Variants in ADA observed in about 807,000 individuals in gnomAD.
ADA encodes the protein adenosine aminohydrolase.
A neutral mutation model predicts 49.0 loss-of-function variants in ADA; 45 were observed. That is an observed-to-expected ratio of 0.92 (90% CI 0.72 to 1.18). The LOEUF (loss-of-function observed/expected upper bound fraction) is 1.18. Among genes scored for constraint, ADA ranks in the 50% most tolerant of loss-of-function variants. The pLI is 0.00. For missense variants in ADA, 445 were observed against 472.5 expected, an observed-to-expected ratio of 0.94 and a Z score of 0.54; for synonymous variants, 173 against 184.2, an observed-to-expected ratio of 0.94 and a Z score of 0.49.
In ADA at chr20:44,626,456, T is replaced by C. The variant is rs748035221; in HGVS notation, c.362A>G (p.Glu121Gly). Residue 121 changes from glutamate (E) to glycine (G), a missense_variant and splice_region_variant, in exon 4 of 12, where the codon GAA becomes GGA. Coordinates refer to ENST00000372874, the MANE Select transcript of ADA (RefSeq NM_000022.4). Reference protein sequence around the residue: ...KVEPIPWNQAEGDLTPDEVVA... With the variant: ...KVEPIPWNQAGGDLTPDEVVA... ...GGCCCCTTCCAGGCCCATCACTCAC[T>C]CAGCCTGGTTCCAGGGGATTGGCTC... 2.5e-6 allele frequency: 4 copies of C among 1,613,736 alleles called. No individual in the cohort carries two copies. In the East Asian group the frequency reaches 6.7e-5, roughly 27 times the overall value.
rs140887057 is a variant in ADA at position 44,646,609 on chromosome 20, C to G, written c.33+4966G>C. ...AAACCAATCAGCATGTCAGTTTCCC[C>G]AAGAACCCCAAGATCTTGGTTTTGT... On this transcript the variant is annotated intron_variant, in intron 1 of 11. Transcript: ENST00000372874. Among the ~76,000 whole-genome samples, 20 of 152,110 alleles carry G rather than the reference C, an allele frequency of 1.3e-4. No individual in the cohort carries two copies. The East Asian group carries it at 3.7e-3, about 28-fold the overall frequency.
At chr20:44,651,320 A>C (rs2065643700) in intron 1 of ADA, among the ~76,000 whole-genome samples, 1 of 152,214 alleles carries the variant, frequency 6.6e-6, no homozygotes, top group Non-Finnish European at 1.5e-5. Context: ...CACTTGACAG[A>C]CAGCGAAACT....
chr20:44,621,309 A>C (rs2065329753), intron 9 of ADA, among the ~76,000 whole-genome samples, 162 bp from the exon 10 acceptor site: 1 of 152,188 alleles, frequency 6.6e-6, no homozygotes, highest in Admixed American at 6.5e-5. Flanking sequence ...AACTTAGGTG[A>C]CTTGTTCAAG....
chr20:44,622,876 C>G lies in ADA; in HGVS notation c.733G>C (p.Asp245His). 1.2e-6 allele frequency: 2 copies of G among 1,614,254 alleles called. No individual in the cohort carries two copies. Among genetic ancestry groups the G allele is most frequent in the East Asian group, 4.5e-5 (2 of 44,888 alleles). ...CGCAGCCTGTTATAAAGGGCCTGGT[C>G]TTCCAGGGTGTGGTAGCCGTGTCCC... ...RLGHGYHTLE[D>H]QALYNRLRQE... The change falls in exon 8 of 12, where the codon GAC becomes CAC. Residue 245 changes from aspartate to histidine, a missense_variant. Asp to His is a moderately conservative substitution (Grantham distance 81, BLOSUM62 -1). Transcript: ENST00000372874.
intron 1 of ADA, among the ~76,000 whole-genome samples, chr20:44,638,885 C>G (rs924073027): frequency 1.3e-5 from 2 of 152,182 alleles, no homozygotes; most frequent in Non-Finnish European, 2.9e-5. Flanking sequence ...CAACACAAGG[C>G]AGGGGTGCGG....
intron 1 of ADA, among the ~76,000 whole-genome samples, chr20:44,637,752 G>A (rs2065493597): frequency 6.6e-6 from 1 of 152,168 alleles, no homozygotes; most frequent in Non-Finnish European, 1.5e-5. Flanking sequence ...CCTATCAGCA[G>A]GACCTCAGAG....
chr20:44,651,691 G>T lies in ADA; in HGVS notation c.-84C>A. ...GCTCGGTGGCCGCTCGGCTTTCCCTGGGGCCAGCGGTGGCCGCGGCCGGCC... is the reference window on the plus strand; with the variant it reads ...GCTCGGTGGCCGCTCGGCTTTCCCTTGGGCCAGCGGTGGCCGCGGCCGGCC... On this transcript the variant is annotated 5_prime_UTR_variant, in exon 1 of 12. Coordinates refer to ENST00000372874, the MANE Select transcript of ADA (RefSeq NM_000022.4). The T allele has an allele frequency of 7.3e-7, 1 of 1,377,310 alleles. No homozygotes were observed. Among genetic ancestry groups the T allele is most frequent in the East Asian group, 3.2e-5 (1 of 31,342 alleles). The allele number at this position is 1,377,310 out of a possible 1,614,324, so 85.3% of individuals were successfully genotyped here.
intron 6 of ADA, among the ~76,000 whole-genome samples, chr20:44,623,713 C>CTCTT (rs112701488): frequency 0.024 from 3,551 of 150,582 alleles, 135 homozygotes; most frequent in African/African-American, 0.083. Context: ...CTTCCTTCCT[C>CTCTT]TCTTTCTTTC....
chr20:44,622,396 G>A (rs2065340312), intron 9 of ADA, among the ~76,000 whole-genome samples, 192 bp downstream of exon 9: 1 of 152,212 alleles, frequency 6.6e-6, no homozygotes, highest in African/African-American at 2.4e-5. Context: ...GGTAATCCCA[G>A]TCAAGCCACA....
chr20:44,623,652 CCCTT>C (rs995494449), intron 6 of ADA, among the ~76,000 whole-genome samples: 1 of 152,022 alleles, frequency 6.6e-6, no homozygotes, highest in East Asian at 1.9e-4. Flanking sequence ...CTTTCTCTCT[CCCTT>C]CCTTCCTTCT....
At position 44,619,632 on chromosome 20, in the gene ADA, C is replaced by T. The variant is rs192087758; in HGVS notation, c.*202G>A. 1 of 653,072 alleles carries T rather than the reference C, an allele frequency of 1.5e-6. No homozygotes were observed. Among genetic ancestry groups the T allele is most frequent in the Admixed American group, 2.5e-5 (1 of 39,662 alleles). 40.5% of individuals were successfully genotyped at this position (653,072 alleles called of 1,614,324 possible). On this transcript the variant is annotated 3_prime_UTR_variant, in exon 12 of 12. Coordinates refer to ENST00000372874, the MANE Select transcript of ADA (RefSeq NM_000022.4). The stretch of plus-strand genomic sequence containing the variant: ...TGCCCATGTGCAAGGGCGCTGGTCC[C>T]TGGCCAGGGCACATAATCAGAGAAG...
chr20:44,641,142 TG>T (rs1195740178), intron 1 of ADA, among the ~76,000 whole-genome samples: 1 of 152,170 alleles, frequency 6.6e-6, no homozygotes, highest in East Asian at 1.9e-4. Context: ...GCGCAGGCAC[TG>T]GGGGCTTCAG....
At chr20:44,626,123 C>A (rs111796239) in intron 4 of ADA, among the ~76,000 whole-genome samples, 1 of 152,132 alleles carries the variant, frequency 6.6e-6, no homozygotes, top group South Asian at 2.1e-4. Context: ...CCTTTAGGGC[C>A]TTTAGAGATC....
chr20:44,626,360 T>C, intron 4 of ADA, 96 bp downstream of exon 4: 2 of 1,573,888 alleles, frequency 1.3e-6, no homozygotes, highest in Non-Finnish European at 1.7e-6. Context: ...AAGGTCTTGC[T>C]TGGGTCAGGG....
At chr20:44,643,209 T>C in intron 1 of ADA, among the ~76,000 whole-genome samples, 1 of 152,216 alleles carries the variant, frequency 6.6e-6, no homozygotes, top group East Asian at 1.9e-4. Flanking sequence ...TACTATGTGC[T>C]AGACCATCTA....
At chr20:44,643,145 TC>T (rs2065553837) in intron 1 of ADA, among the ~76,000 whole-genome samples, 1 of 152,242 alleles carries the variant, frequency 6.6e-6, no homozygotes, top group Non-Finnish European at 1.5e-5. Context: ...GACCCCGCTC[TC>T]CTGTCTCCTT....
rs1304237327 is a variant in ADA, at chr20:44,620,796, C to G, written c.975+222G>C. On this transcript the variant is annotated intron_variant, in intron 10 of 11. Coordinates refer to ENST00000372874, the MANE Select transcript of ADA (RefSeq NM_000022.4). The stretch of plus-strand genomic sequence containing the variant: ...GAGGGTTGACAGCTTTCACTGGATT[C>G]TTTAAAGGCACTCAACCCAAGCAAA... 4 of 625,550 alleles carry G rather than the reference C, an allele frequency of 6.4e-6. No homozygotes were observed. The African/African-American group carries it at 7.3e-5, about 11-fold the overall frequency. The allele number at this position is 625,550 out of a possible 1,614,324, so 38.7% of individuals were successfully genotyped here.
rs778343059 is a variant in ADA at position 44,636,226 on chromosome 20, C to G, written c.95+1G>C. ...GAGAGGGCTCTTCTGTATGGACTTA[C>G]CTGCCATAGTATAAGATGGTTTCAG... On this transcript the variant is annotated splice_donor_variant, in intron 2 of 11. Transcript: ENST00000372874. LOFTEE classifies it high-confidence loss of function. 2.5e-6 allele frequency: 4 copies of G among 1,609,542 alleles called. No homozygotes were observed. The highest frequency in any genetic ancestry group is 3.4e-6 in the Non-Finnish European group (4 of 1,177,724).
At chr20:44,636,896 C>T (rs2065485838) in intron 1 of ADA, among the ~76,000 whole-genome samples, 1 of 152,164 alleles carries the variant, frequency 6.6e-6, no homozygotes, top group African/African-American at 2.4e-5. Context: ...ACCTCCACCT[C>T]CTGGGTTCAA....
Sources: gnomAD v4.1 joint callset for allele counts (sites outside exome capture counted in the v4.1 genomes callset) on GRCh38, gnomAD v4.1.1 for gene constraint, MANE v1.5 for transcripts, NCBI Gene and HGNC (gene_info 2026-07-23, HGNC 2026-07-21) for gene names.